GMDS: variants seen among roughly 807,000 people sequenced by gnomAD.
The protein encoded by GMDS is GDP-mannose 4,6 dehydratase.
A neutral mutation model predicts 49.9 loss-of-function variants in GMDS; 20 were observed. The observed-to-expected ratio is 0.40, with a 90% CI of 0.28 to 0.58. The LOEUF is 0.58. Among genes scored for constraint, GMDS ranks in the 20% least tolerant of loss-of-function variants. GMDS has a pLI of 0.42. For synonymous variants in GMDS, 177 were observed against 178.6 expected (o/e 0.99, Z 0.07); for missense variants, 362 against 481.4 (o/e 0.75, Z 2.32).
chr6:2,202,434 TA>T (rs1202697288), intron 1 of GMDS, among the ~76,000 whole-genome samples: 6,474 of 42,972 alleles, frequency 0.15, 279 homozygotes, highest in East Asian at 0.46. Flanking sequence ...AATTTCTTTC[TA>T]TTTTTTTTTT....
chr6:1,792,757 T>C (rs1769593056), intron 7 of GMDS, among the ~76,000 whole-genome samples: 1 of 152,216 alleles, frequency 6.6e-6, no homozygotes, highest in Admixed American at 6.5e-5. Context: ...TGGCTTCTTA[T>C]TCCAATATTG....
At chr6:1,797,884 T>A (rs539900283) in intron 7 of GMDS, among the ~76,000 whole-genome samples, 1 of 152,232 alleles carries the variant, frequency 6.6e-6, no homozygotes, top group Non-Finnish European at 1.5e-5. Context: ...CAGGACAGGT[T>A]TGCTAACAAG....
At chr6:1,736,041 T>C (rs532539229) in intron 8 of GMDS, among the ~76,000 whole-genome samples, 1 of 152,276 alleles carries the variant, frequency 6.6e-6, no homozygotes, top group East Asian at 1.9e-4. Flanking sequence ...TTTGAGGATC[T>C]AACAGACCCT....
chr6:2,139,208 A>C (rs1398767896), intron 1 of GMDS, among the ~76,000 whole-genome samples: 1 of 152,162 alleles, frequency 6.6e-6, no homozygotes, highest in African/African-American at 2.4e-5. Context: ...TGAAATAAAA[A>C]ATTTAAAACA....
chr6:2,027,084 G>A (rs1364735248), intron 4 of GMDS, among the ~76,000 whole-genome samples: 1 of 152,168 alleles, frequency 6.6e-6, no homozygotes, highest in African/African-American at 2.4e-5. Context: ...AATATAGTTT[G>A]AAACAAGATC....
At chr6:1,707,146 C>T (rs1765768040) in intron 9 of GMDS, among the ~76,000 whole-genome samples, 1 of 152,014 alleles carries the variant, frequency 6.6e-6, no homozygotes, top group African/African-American at 2.4e-5. Context: ...TGTTGCTTAC[C>T]CAAAATTTCA....
intron 7 of GMDS, among the ~76,000 whole-genome samples, chr6:1,768,578 T>A (rs1768452696): frequency 6.6e-6 from 1 of 152,240 alleles, no homozygotes; most frequent in Non-Finnish European, 1.5e-5. Flanking sequence ...ACAGGTTGAG[T>A]ACCCCAATCC....
At chr6:1,726,221 A>T (rs1766580356) in intron 9 of GMDS, among the ~76,000 whole-genome samples, 195 bp downstream of exon 9, 1 of 152,252 alleles carries the variant, frequency 6.6e-6, no homozygotes, top group South Asian at 2.1e-4. Context: ...TTTCCTTTAT[A>T]GAGCAATGAA....
chr6:1,688,384 G>A (rs1371037161), intron 9 of GMDS, among the ~76,000 whole-genome samples: 1 of 152,226 alleles, frequency 6.6e-6, no homozygotes, highest in Non-Finnish European at 1.5e-5. Context: ...GGTCACGCAC[G>A]TGGAGCGTGC....
chr6:2,209,673 A>G (rs188709834), intron 1 of GMDS, among the ~76,000 whole-genome samples: 48 of 151,930 alleles, frequency 3.2e-4, no homozygotes, highest in African/African-American at 1.2e-3. Context: ...TATGTTTAGC[A>G]TTATCAAACG....
intron 4 of GMDS, among the ~76,000 whole-genome samples, chr6:2,058,251 A>T (rs1770892854): frequency 1.3e-5 from 2 of 151,022 alleles, no homozygotes; most frequent in South Asian, 4.2e-4. Context: ...CCAGCTACTG[A>T]GGAGAATCAC....
At chr6:2,110,341 GA>G (rs1774478046) in intron 4 of GMDS, among the ~76,000 whole-genome samples, 1 of 151,112 alleles carries the variant, frequency 6.6e-6, no homozygotes. Context: ...GAACCACCAG[GA>G]AAATGTCACT....
intron 4 of GMDS, among the ~76,000 whole-genome samples, chr6:2,110,533 C>G (rs1002654158): frequency 6.6e-6 from 1 of 152,168 alleles, no homozygotes; most frequent in Non-Finnish European, 1.5e-5. Context: ...CCTTGACTCA[C>G]AGTCAACTCT....
chr6:1,679,355 C>T (rs886190004), intron 9 of GMDS: 1 of 152,146 alleles, frequency 6.6e-6, no homozygotes, highest in African/African-American at 2.4e-5. Context: ...TAAATAGAGA[C>T]CAGGACAATG....
intron 1 of GMDS, among the ~76,000 whole-genome samples, chr6:2,231,111 T>G (rs929044959): frequency 9.2e-5 from 14 of 151,898 alleles, no homozygotes; most frequent in African/African-American, 3.1e-4. Context: ...CAGTTTCAAG[T>G]TCCCAAGTTA....
At chr6:1,676,247 G>A (rs1487312426) in intron 9 of GMDS, among the ~76,000 whole-genome samples, 2 of 152,154 alleles carry the variant, frequency 1.3e-5, no homozygotes, top group Non-Finnish European at 2.9e-5. Flanking sequence ...ACCTCTTCAA[G>A]GAGAACTACA....
intron 4 of GMDS, among the ~76,000 whole-genome samples, chr6:2,024,825 A>T (rs1039444493): frequency 5.5e-5 from 8 of 146,454 alleles, no homozygotes; most frequent in African/African-American, 2.2e-4. Flanking sequence ...CTCCTAAGTT[A>T]AAAAAAATAC....
chr6:2,225,602 C>A (rs769817449), intron 1 of GMDS, among the ~76,000 whole-genome samples: 1 of 152,134 alleles, frequency 6.6e-6, no homozygotes, highest in African/African-American at 2.4e-5. Context: ...GGCTTGCATC[C>A]GGATCAGTGT....
chr6:1,859,855 T>C (rs1758103280), intron 7 of GMDS, among the ~76,000 whole-genome samples: 1 of 152,250 alleles, frequency 6.6e-6, no homozygotes, highest in African/African-American at 2.4e-5. Context: ...ACAAACATCA[T>C]AATGTATTAT....
Sources: allele counts gnomAD v4.1 joint callset (sites outside exome capture counted in the v4.1 genomes callset), GRCh38; gene constraint gnomAD v4.1.1; transcripts MANE v1.5; gene names NCBI Gene and HGNC (gene_info 2026-07-23, HGNC 2026-07-21).